Variants in SNX16 observed in about 807,000 individuals in gnomAD.
SNX16 encodes the protein sorting nexin-16.
In SNX16, 35 loss-of-function variants were observed where a neutral mutation model predicts 36.7. That is an observed-to-expected ratio of 0.95 (90% CI 0.73 to 1.27). SNX16 has a LOEUF of 1.27. Ranked by LOEUF, SNX16 falls within the 50% of genes most tolerant of loss-of-function variation. The pLI, the probability that SNX16 is intolerant of heterozygous loss-of-function variation, is 0.00. For missense variants in SNX16, 367 were observed against 393.6 expected, an observed-to-expected ratio of 0.93 and a Z score of 0.57; for synonymous variants, 134 against 132.0, an observed-to-expected ratio of 1.02 and a Z score of -0.10.
At chr8:81,816,536 T>A (rs1036772024) in intron 4 of SNX16, among the ~76,000 whole-genome samples, 1 of 151,940 alleles carries the variant, frequency 6.6e-6, no homozygotes, top group East Asian at 1.9e-4. Context: ...TGTCAACTTA[T>A]GCTAAAAGGG....
intron 1 of SNX16, among the ~76,000 whole-genome samples, chr8:81,841,519 G>A (rs1003875774): frequency 6.6e-6 from 1 of 151,712 alleles, no homozygotes; most frequent in Non-Finnish European, 1.5e-5. Flanking sequence ...GATCTACCTG[G>A]CCTTTGCCAC....
intron 5 of SNX16, chr8:81,807,677 T>C: frequency 1.9e-6 from 1 of 530,084 alleles, no homozygotes; most frequent in East Asian, 3.7e-5. Context: ...ACAGAAAAAG[T>C]TAAATCAATT....
Position 81,823,860 on chromosome 8 carries a change from T to C in SNX16, c.543A>G (p.Leu181=). 1 of 1,612,330 alleles carries C rather than the reference T, an allele frequency of 6.2e-7. No individual in the cohort carries two copies. Among genetic ancestry groups the C allele is most frequent in the Non-Finnish European group, 8.5e-7 (1 of 1,179,094 alleles). Residue 181 remains leucine (L), a synonymous_variant, in exon 4 of 8, where the codon TTA becomes TTG. Transcript: ENST00000345957. ...WFKDNYNADF[L]EDRQLGLQAF... Reference sequence around the variant, plus strand: ...CTTGTAATCCTAATTGTCTGTCTTCTAAAAAGTCAGCATTGTAATTATCTT... The same window carrying C: ...CTTGTAATCCTAATTGTCTGTCTTCCAAAAAGTCAGCATTGTAATTATCTT...
intron 5 of SNX16, among the ~76,000 whole-genome samples, chr8:81,804,481 A>G (rs941628383): frequency 3.3e-5 from 5 of 152,074 alleles, no homozygotes; most frequent in African/African-American, 1.2e-4. Context: ...GACAATGACT[A>G]CAGAAGTTAA....
chr8:81,822,622 T>C (rs932933550), intron 4 of SNX16, among the ~76,000 whole-genome samples: 2 of 151,914 alleles, frequency 1.3e-5, no homozygotes, highest in Admixed American at 1.3e-4. Flanking sequence ...ACTTGAGTGG[T>C]ACTTGCAAGG....
chr8:81,804,123 C>T (rs1421425821), intron 5 of SNX16, among the ~76,000 whole-genome samples: 1 of 151,852 alleles, frequency 6.6e-6, no homozygotes, highest in Non-Finnish European at 1.5e-5. Context: ...CAGTGGAAAA[C>T]ACTTTAAAGC....
chr8:81,809,641 T>A lies in SNX16; in HGVS notation c.681+5684A>T, dbSNP rs144330594. On this transcript the variant is annotated intron_variant, in intron 5 of 7. Coordinates refer to ENST00000345957, the MANE Select transcript of SNX16 (RefSeq NM_152836.3). The stretch of plus-strand genomic sequence containing the variant: ...GCTAAAATAACAGTAAGATATTATT[T>A]TATACCCATCAGACTGACAAAAATT... Among the ~76,000 whole-genome samples the A allele has an allele frequency of 5.9e-5, 9 of 152,340 alleles. No homozygotes were observed. The East Asian group carries it at 1.7e-3, about 29-fold the overall frequency.
intron 3 of SNX16, among the ~76,000 whole-genome samples, chr8:81,826,043 A>G (rs1053120500): frequency 5.3e-5 from 8 of 151,960 alleles, no homozygotes; most frequent in African/African-American, 1.9e-4. Context: ...CCCTTAAAAA[A>G]TTGTCCACAG....
chr8:81,818,267 C>T, intron 4 of SNX16, among the ~76,000 whole-genome samples: 1 of 152,082 alleles, frequency 6.6e-6, no homozygotes, highest in East Asian at 1.9e-4. Flanking sequence ...GTGTAAATAA[C>T]TGAATTCTTC....
At chr8:81,808,289 A>G in intron 5 of SNX16, 1 of 1,155,024 alleles carries the variant, frequency 8.7e-7, no homozygotes, top group Middle Eastern at 2.8e-4. Context: ...ATGAATGGCC[A>G]CAACTGTGAA....
At chr8:81,805,972 T>C (rs957032230) in intron 5 of SNX16, among the ~76,000 whole-genome samples, 22 of 151,970 alleles carry the variant, frequency 1.4e-4, no homozygotes, top group African/African-American at 4.6e-4. Context: ...ATGGTCAAGT[T>C]CTAGAAAAAT....
chr8:81,817,996 T>C (rs1810568295), intron 4 of SNX16, among the ~76,000 whole-genome samples: 2 of 152,150 alleles, frequency 1.3e-5, no homozygotes. Flanking sequence ...AAATCACCTA[T>C]GGTATCCCTC....
Position 81,839,673 on chromosome 8 carries a change from T to C in SNX16, c.314A>G (p.Asp105Gly), listed in dbSNP as rs1811648356. Residue 105 changes from aspartate (D) to glycine (G), a missense_variant, in exon 2 of 8, where the codon GAT (aspartate) becomes GGT (glycine). By Grantham distance (94) the Asp-to-Gly change is moderately conservative. Coordinates refer to ENST00000345957, the MANE Select transcript of SNX16 (RefSeq NM_152836.3). ...CAGTATAGTAGGTGTAGATGGTCTATCTTCCCAATTCACTGTTTCCGGATT... is the reference window on the plus strand; with the variant it reads ...CAGTATAGTAGGTGTAGATGGTCTACCTTCCCAATTCACTGTTTCCGGATT... ...EQNPETVNWE[D>G]RPSTPTILGY... 6.2e-7 allele frequency: 1 copy of C among 1,613,406 alleles called. No homozygotes were observed. Among genetic ancestry groups the C allele is most frequent in the Non-Finnish European group, 8.5e-7 (1 of 1,179,632 alleles).
At chr8:81,820,436 C>A (rs1810687582) in intron 4 of SNX16, among the ~76,000 whole-genome samples, 1 of 152,006 alleles carries the variant, frequency 6.6e-6, no homozygotes, top group African/African-American at 2.4e-5. Context: ...ATAATTTAGT[C>A]TGTGATACAT....
At position 81,803,185 on chromosome 8, in the gene SNX16, T is replaced by C. The variant is rs1809783501; in HGVS notation, c.725A>G (p.Lys242Arg). The change falls in exon 6 of 8, where the codon AAA (lysine) becomes AGA (arginine). Residue 242 changes from lysine to arginine, a missense_variant. By Grantham distance (26) the Lys-to-Arg change is conservative. Transcript: ENST00000345957. The part of the protein sequence containing the change: ...TLEETNYRLQ[K>R]ELLEKQKEME... ...CTCCTTTTGTTTTTCAAGTAGTTCT[T>C]TCTGTAAGCGGTAGTTTGTCTCTTC... is the stretch of plus-strand genomic sequence containing the variant. The C allele has an allele frequency of 6.2e-7, 1 of 1,611,764 alleles. No individual in the cohort carries two copies. Among genetic ancestry groups the C allele is most frequent in the African/African-American group, 1.3e-5 (1 of 74,798 alleles).
intron 1 of SNX16, chr8:81,841,667 C>T (rs986357373): frequency 3.3e-5 from 5 of 152,484 alleles, no homozygotes; most frequent in African/African-American, 9.7e-5. Flanking sequence ...AAAAAACGTG[C>T]TGTGCTCATT....
rs1247852535 is a variant in SNX16 at position 81,823,920 on chromosome 8, A to G, written c.483T>C (p.Gly161=). The G allele has an allele frequency of 6.2e-7, 1 of 1,610,172 alleles. No individual in the cohort carries two copies. Among genetic ancestry groups the G allele is most frequent in the African/African-American group, 1.3e-5 (1 of 74,718 alleles). The part of the protein sequence containing the change: ...LNDKLKEMFP[G]FRLALPPKRW... ...GTTTTGGAGGAAGTGCTAGTCGAAA[A>G]CCTGGAAACATCTCTTTTAACTGAA... The change falls in exon 4 of 8, where the codon GGT becomes GGC. Residue 161 remains glycine, a synonymous_variant. Transcript: ENST00000345957.
At chr8:81,821,985 G>A (rs1283232974) in intron 4 of SNX16, among the ~76,000 whole-genome samples, 2 of 152,138 alleles carry the variant, frequency 1.3e-5, no homozygotes, top group Non-Finnish European at 2.9e-5. Flanking sequence ...TACTGATAAT[G>A]ATTTAAGTGA....
At chr8:81,836,055 A>G (rs543897047) in intron 2 of SNX16, among the ~76,000 whole-genome samples, 1 of 152,304 alleles carries the variant, frequency 6.6e-6, no homozygotes, top group South Asian at 2.1e-4. Flanking sequence ...CCCACAACAC[A>G]TGGGAATTAA....
Sources: allele counts gnomAD v4.1 joint callset (sites outside exome capture counted in the v4.1 genomes callset), GRCh38; gene constraint gnomAD v4.1.1; transcripts MANE v1.5; gene names NCBI Gene and HGNC (gene_info 2026-07-23, HGNC 2026-07-21).